TONSL: variants seen among roughly 807,000 people sequenced by gnomAD.
The protein encoded by TONSL is tonsoku-like protein.
A neutral mutation model predicts 147.1 loss-of-function variants in TONSL; 112 were observed. The observed-to-expected ratio is 0.76, with a 90% CI of 0.65 to 0.89. The LOEUF is 0.89. Ranked by LOEUF, TONSL falls within the 40% of genes least tolerant of loss-of-function variation. TONSL has a pLI of 0.00. For synonymous variants in TONSL, 868 were observed against 801.5 expected (o/e 1.08, Z -1.40); for missense variants, 1,883 against 1,864.6 (o/e 1.01, Z -0.18).
At chr8:144,438,213 AT>A in intron 13 of TONSL, 3 of 548,236 alleles carry the variant, frequency 5.5e-6, no homozygotes, top group South Asian at 2.3e-5. Context: ...CGCTTTTTAA[AT>A]TTTTTTGAAA....
Position 144,435,925 on chromosome 8 carries a change from C to T in TONSL, c.2508G>A (p.Leu836=), listed in dbSNP as rs1462768482. The T allele has an allele frequency of 1.3e-6, 2 of 1,578,706 alleles. No individual in the cohort carries two copies. Among genetic ancestry groups the T allele is most frequent in the Non-Finnish European group, 1.7e-6 (2 of 1,159,140 alleles). The change falls in exon 17 of 26, where the codon CTG becomes CTA. Residue 836 remains leucine (L), a synonymous_variant. Coordinates refer to ENST00000409379, the MANE Select transcript of TONSL (RefSeq NM_013432.5). The stretch of plus-strand genomic sequence containing the variant: ...TGCGGGTCAGGGGCATGTCCAGCTC[C>T]AGCCAGTCCCCGGCCAGGCACTCCT... ...PEEECLAGDW[L]ELDMPLTRSR... is the part of the protein sequence containing the mutation.
chr8:144,443,226 G>C lies in TONSL; in HGVS notation c.360C>G (p.Ile120Met). ...WATIGRTHLD[I>M]YDHCQSRDAL... ...CATCCCTCGACTGGCAGTGGTCATAGATGTCCAGGTGGGTGCGGCCGATGG... is the reference window on the plus strand; with the variant it reads ...CATCCCTCGACTGGCAGTGGTCATACATGTCCAGGTGGGTGCGGCCGATGG... The change falls in exon 4 of 26, where the codon ATC becomes ATG. Residue 120 changes from isoleucine to methionine, a missense_variant. Coordinates refer to ENST00000409379, the MANE Select transcript of TONSL (RefSeq NM_013432.5). The C allele has an allele frequency of 6.4e-7, 1 of 1,550,872 alleles. No individual in the cohort carries two copies. Among genetic ancestry groups the C allele is most frequent in the South Asian group, 1.2e-5 (1 of 84,066 alleles).
chr8:144,440,674 A>G, intron 9 of TONSL, 44 bp downstream of exon 9: 2 of 1,589,518 alleles, frequency 1.3e-6, no homozygotes, highest in Non-Finnish European at 1.7e-6. Flanking sequence ...CCTGAGGCAG[A>G]GACATGGGTG....
At chr8:144,431,299 T>C in intron 23 of TONSL, 148 bp from the exon 24 acceptor site, 1 of 688,254 alleles carries the variant, frequency 1.5e-6, no homozygotes, top group Non-Finnish European at 2.5e-6. Context: ...TCTCCTGATG[T>C]GGGTCACACT....
intron 19 of TONSL, 21 bp downstream of exon 19, chr8:144,434,996 C>T: frequency 6.2e-7 from 1 of 1,611,984 alleles, no homozygotes; most frequent in South Asian, 1.1e-5. Context: ...GCCCTGGCTC[C>T]CCCTCCGCTC....
chr8:144,432,654 C>A, intron 22 of TONSL, 194 bp from the exon 23 acceptor site: 1 of 532,714 alleles, frequency 1.9e-6, no homozygotes, highest in Non-Finnish European at 3.1e-6. Flanking sequence ...GACTTCCAAG[C>A]TCGGCTGCCC....
At position 144,437,034 on chromosome 8, in the gene TONSL, C is replaced by T. The variant is rs1316741305; in HGVS notation, c.1719G>A (p.Gly573=). The T allele has an allele frequency of 6.2e-7, 1 of 1,613,360 alleles. No individual in the cohort carries two copies. The highest frequency in any genetic ancestry group is 1.1e-5 in the South Asian group (1 of 91,068). ...WTPLHEACNY[G]HLEIVRFLLD... is the part of the protein sequence containing the mutation. ...CTTCTGTCCCTTGCTCACCTAGATG[C>T]CCGTAGTTGCAGGCCTCGTGCAGAG... Residue 573 remains glycine (G), a synonymous_variant, in exon 14 of 26, where the codon GGG becomes GGA. Transcript: ENST00000409379.
rs751910850 is a variant in TONSL at position 144,442,713 on chromosome 8, C to CACAGGGCTGTCTGCT, written c.527_541dup (p.Leu180_Cys181insTer). On this transcript the variant is annotated stop_gained, in exon 5 of 26. Coordinates refer to ENST00000409379, the MANE Select transcript of TONSL (RefSeq NM_013432.5). LOFTEE classifies it high-confidence loss of function. The stretch of plus-strand genomic sequence containing the variant: ...GATGCTCTTCCTGAAGTAATCGTTG[C>CACAGGGCTGTCTGCT]ACAGGGCTGTCTGCTGCAGGCTCTC... The CACAGGGCTGTCTGCT allele has an allele frequency of 1.2e-6, 2 of 1,613,042 alleles. No homozygotes were observed. The highest frequency in any genetic ancestry group is 2.2e-5 in the South Asian group (2 of 91,088).
rs1564730208 is a variant in TONSL at position 144,436,282 on chromosome 8, C to G, written c.2151G>C (p.Arg717Ser). The G allele has an allele frequency of 6.6e-7, 1 of 1,511,568 alleles. No individual in the cohort carries two copies. 93.6% of individuals were successfully genotyped at this position (1,511,568 alleles called of 1,614,324 possible). A position where few individuals can be genotyped will look rare whatever the true frequency, so the allele number is the denominator to read the frequency against. Residue 717 changes from arginine to serine, a missense_variant, in exon 17 of 26, where the codon AGG becomes AGC. Transcript: ENST00000409379. ...RLPEASQAHV[R>S]VSPGQAAPAM... ...CTGGTGCCGCCTGCCCTGGGGAGAC[C>G]CTGACATGGGCCTGAGAGGCCTCTG...
At position 144,436,565 on chromosome 8, in the gene TONSL, C is replaced by T. The variant is rs779227085; in HGVS notation, c.2007G>A (p.Ser669=). ...AAGGGACGCCCTGCTTGCCTTGGCC[C>T]GAGGCAGCCGCCTGGAGCAGCATCT... ...AMEMLLQAAA[S]GQDPHSSQAF... The change falls in exon 16 of 26, where the codon TCG becomes TCA. Residue 669 remains serine (S), a synonymous_variant. Coordinates refer to ENST00000409379, the MANE Select transcript of TONSL (RefSeq NM_013432.5). The T allele has an allele frequency of 1.6e-5, 25 of 1,610,076 alleles. No homozygotes were observed. In the South Asian group the frequency reaches 1.9e-4, roughly 12 times the overall value.
chr8:144,434,339 A>G, intron 20 of TONSL, 60 bp from the exon 21 acceptor site: 1 of 1,407,114 alleles, frequency 7.1e-7, no homozygotes, highest in Non-Finnish European at 9.4e-7. Context: ...TCTGAATCCC[A>G]GAGGGCAAAC....
rs569099685 is a variant in TONSL, at chr8:144,432,106, G to A, written c.3735+179C>T. On this transcript the variant is annotated intron_variant, in intron 23 of 25. Coordinates refer to ENST00000409379, the MANE Select transcript of TONSL (RefSeq NM_013432.5). ...CTCCCAAAGTACTGGGATTACAGGCGTGAGCCACCGCGCCTGGCCCCCCAG... is the reference window on the plus strand; with the variant it reads ...CTCCCAAAGTACTGGGATTACAGGCATGAGCCACCGCGCCTGGCCCCCCAG... Among the ~76,000 whole-genome samples, 21 of 152,192 alleles carry A rather than the reference G, an allele frequency of 1.4e-4. No individual in the cohort carries two copies. In the South Asian group the frequency reaches 2.3e-3, roughly 17 times the overall value.
chr8:144,443,372 C>T (rs1364940367), intron 3 of TONSL, 51 bp from the exon 4 acceptor site: 2 of 1,495,456 alleles, frequency 1.3e-6, no homozygotes, highest in Non-Finnish European at 9.0e-7. Context: ...CTCAAGCAAA[C>T]CGGCACCGCC....
chr8:144,443,317 TG>T lies in TONSL; in HGVS notation c.268del (p.Gln90SerfsTer68). Reference sequence around the variant, plus strand: ...ATGTGCCAGCTCCAGGTACTGGTGCTGGTGCTGAGTGTGGAAGGAAGTCACT... The same window carrying T: ...ATGTGCCAGCTCCAGGTACTGGTGCTGTGCTGAGTGTGGAAGGAAGTCACT... ...MEDYPAALQHQHQYLELAHSL... is the reference protein window; with the variant it reads ...MEDYPAALQHXHQYLELAHSL... On this transcript the variant is annotated frameshift_variant, in exon 4 of 26. Coordinates refer to ENST00000409379, the MANE Select transcript of TONSL (RefSeq NM_013432.5). LOFTEE classifies it high-confidence loss of function. 6.5e-7 allele frequency: 1 copy of T among 1,548,578 alleles called. No individual in the cohort carries two copies. Among genetic ancestry groups the T allele is most frequent in the Non-Finnish European group, 8.7e-7 (1 of 1,145,456 alleles).
At chr8:144,433,046 G>T (rs1208001831) in intron 22 of TONSL, 10 of 156,236 alleles carry the variant, frequency 6.4e-5, no homozygotes, top group South Asian at 1.9e-4. Context: ...GGCCCTCCCG[G>T]AGAGCCAGGT....
intron 22 of TONSL, 161 bp from the exon 23 acceptor site, chr8:144,432,621 T>C (rs1823256089): frequency 1.5e-6 from 1 of 689,230 alleles, no homozygotes; most frequent in Non-Finnish European, 2.2e-6. Flanking sequence ...GCCCAGATTC[T>C]CCCAGCTGGG....
At chr8:144,438,621 C>A in intron 12 of TONSL, 32 bp downstream of exon 12, 1 of 1,020,802 alleles carries the variant, frequency 9.8e-7, no homozygotes, top group South Asian at 1.2e-5. Context: ...GGCTGCTGAG[C>A]GGGGTGGGTG....
At chr8:144,431,399 G>GGCACACTA (rs1823183014) in intron 23 of TONSL, among the ~76,000 whole-genome samples, 2 of 152,188 alleles carry the variant, frequency 1.3e-5, no homozygotes, top group Non-Finnish European at 2.9e-5. Flanking sequence ...TGTGCCCCTT[G>GGCACACTA]GGACCTTCCT....
rs544226804 is a variant in TONSL, at chr8:144,432,118, G to A, written c.3735+167C>T. ...TGGGATTACAGGCGTGAGCCACCGC[G>A]CCTGGCCCCCCAGCTGTTTTTTCTA... On this transcript the variant is annotated intron_variant, in intron 23 of 25. Transcript: ENST00000409379. 8.5e-5 allele frequency among the ~76,000 whole-genome samples: 13 copies of A among 152,150 alleles called. 1 individual carries two copies. The South Asian group carries it at 1.2e-3, about 15-fold the overall frequency.
Sources: gnomAD v4.1 joint callset for allele counts (sites outside exome capture counted in the v4.1 genomes callset) on GRCh38, gnomAD v4.1.1 for gene constraint, MANE v1.5 for transcripts, NCBI Gene and HGNC (gene_info 2026-07-23, HGNC 2026-07-21) for gene names.